The following TECRL variants were observed in gnomAD, a reference collection of about 807,000 sequenced individuals.
TECRL encodes the protein trans-2,3-enoyl-CoA reductase-like.
TECRL carries 63 observed loss-of-function variants against 52.8 expected under a neutral mutation model. The observed-to-expected ratio is 1.19, with a 90% CI of 0.97 to 1.47. TECRL has a LOEUF of 1.47. Among genes scored for constraint, TECRL ranks in the 40% most tolerant of loss-of-function variants. The probability of loss-of-function intolerance (pLI) is 0.00; values close to 1 mark genes in which losing one functional copy is unlikely to be tolerated. For missense variants in TECRL, 482 were observed against 429.6 expected (o/e 1.12, Z -1.08); for synonymous variants, 164 against 141.9 (o/e 1.16, Z -1.10).
At chr4:64,368,702 T>C (rs964633949) in intron 2 of TECRL, among the ~76,000 whole-genome samples, 2 of 152,250 alleles carry the variant, frequency 1.3e-5, no homozygotes, top group East Asian at 3.9e-4. Context: ...ACTTTTTTCA[T>C]TGGGTGCATT....
chr4:64,310,729 C>T lies in TECRL; in HGVS notation c.552-798G>A, dbSNP rs539050382. On this transcript the variant is annotated intron_variant, in intron 5 of 11. Transcript: ENST00000381210. ...GATCAAAGATGACCTACTTTTTGTGCGTTGTTTTTGTTTTTAGAGACAGGA... is the reference window on the plus strand; with the variant it reads ...GATCAAAGATGACCTACTTTTTGTGTGTTGTTTTTGTTTTTAGAGACAGGA... Among the ~76,000 whole-genome samples, 5 of 152,014 alleles carry T rather than the reference C, an allele frequency of 3.3e-5. No individual in the cohort carries two copies. The South Asian group carries it at 6.2e-4, about 19-fold the overall frequency.
chr4:64,409,260 C>A lies in TECRL; in HGVS notation c.92G>T (p.Arg31Ile), dbSNP rs764415896. 5 of 1,587,100 alleles carry A rather than the reference C, an allele frequency of 3.2e-6. No individual in the cohort carries two copies. The East Asian group carries it at 6.9e-5, about 22-fold the overall frequency. ...ATRFILKDDM[R>I]NFHFLSKLVL... Reference sequence around the variant, plus strand: ...AAGTTTTGACAAAAAGTGAAAATTTCTCATATCATCCTTCAGTATGAACCG... The same window carrying A: ...AAGTTTTGACAAAAAGTGAAAATTTATCATATCATCCTTCAGTATGAACCG... Residue 31 changes from arginine to isoleucine, a missense_variant, in exon 1 of 12, where the codon AGA (arginine) becomes ATA (isoleucine). Coordinates refer to ENST00000381210, the MANE Select transcript of TECRL (RefSeq NM_001010874.5).
intron 2 of TECRL, among the ~76,000 whole-genome samples, chr4:64,367,474 T>TG (rs1236882583): frequency 6.6e-6 from 1 of 152,138 alleles, no homozygotes. Context: ...AATTTGTGCA[T>TG]GTATGTGGGC....
rs1262227802 is a variant in TECRL, at chr4:64,278,120, AGAT to A, written c.*1949_*1951del. ...CACATATTTTGAAATATATTTCAGA[AGAT>A]GTATAAATATAATTTACATACAAAT... On this transcript the variant is annotated 3_prime_UTR_variant, in exon 12 of 12. Transcript: ENST00000381210. 1.6e-5 allele frequency: 1 copy of A among 63,020 alleles called. No homozygotes were observed. Among genetic ancestry groups the A allele is most frequent in the Admixed American group, 1.5e-4 (1 of 6,842 alleles). 3.9% of individuals were successfully genotyped at this position (63,020 alleles called of 1,614,324 possible).
chr4:64,297,160 G>A (rs1723733318), intron 8 of TECRL, among the ~76,000 whole-genome samples: 1 of 151,276 alleles, frequency 6.6e-6, no homozygotes, highest in Non-Finnish European at 1.5e-5. Flanking sequence ...TAATATGTTA[G>A]AAAACTCAGA....
Position 64,289,763 on chromosome 4 carries a change from C to G in TECRL, c.779G>C (p.Cys260Ser), listed in dbSNP as rs370384463. ...ITVSAINFLI[C>S]EAGNHFINVM... ...ATTGATGAAATGATTCCCAGCTTCACAAATCTGCAAAACATTTTAAACACT... is the reference window on the plus strand; with the variant it reads ...ATTGATGAAATGATTCCCAGCTTCAGAAATCTGCAAAACATTTTAAACACT... The change falls in exon 9 of 12, where the codon TGT becomes TCT. Residue 260 changes from cysteine to serine, a missense_variant. By Grantham distance (112) the Cys-to-Ser change is moderately radical. Coordinates refer to ENST00000381210, the MANE Select transcript of TECRL (RefSeq NM_001010874.5). 1 of 1,547,768 alleles carries G rather than the reference C, an allele frequency of 6.5e-7. No homozygotes were observed. Among genetic ancestry groups the G allele is most frequent in the East Asian group, 2.4e-5 (1 of 41,054 alleles).
At chr4:64,382,907 G>A (rs72640319) in intron 1 of TECRL, among the ~76,000 whole-genome samples, 32,184 of 151,856 alleles carry the variant, frequency 0.21, 4,043 homozygotes, top group South Asian at 0.4. Flanking sequence ...TATTTTCATG[G>A]TGGTAGATAT....
intron 8 of TECRL, among the ~76,000 whole-genome samples, chr4:64,292,128 A>G (rs1231568195): frequency 6.6e-6 from 1 of 152,028 alleles, no homozygotes; most frequent in Non-Finnish European, 1.5e-5. Context: ...AAGCTCAGTC[A>G]GTGCTGTAAA....
intron 1 of TECRL, among the ~76,000 whole-genome samples, chr4:64,406,184 G>GTA (rs1353701856): frequency 2.0e-5 from 3 of 149,976 alleles, no homozygotes; most frequent in Non-Finnish European, 4.5e-5. Flanking sequence ...GTGTGTGTAT[G>GTA]TGTGTAATTA....
At chr4:64,361,313 T>A (rs1311262794) in intron 2 of TECRL, among the ~76,000 whole-genome samples, 1 of 152,120 alleles carries the variant, frequency 6.6e-6, no homozygotes, top group African/African-American at 2.4e-5. Context: ...ACAGAACACC[T>A]ACCTGATGAA....
rs376181055 is a variant in TECRL, at chr4:64,281,101, C to T, written c.919-15G>A. The T allele has an allele frequency of 2.5e-6, 4 of 1,586,296 alleles. No individual in the cohort carries two copies. In the African/African-American group the frequency reaches 5.4e-5, roughly 21 times the overall value. On this transcript the variant is annotated splice_polypyrimidine_tract_variant and intron_variant, in intron 10 of 11. Transcript: ENST00000381210. Reference sequence around the variant, plus strand: ...CATGATCCAATCTGTTATATTAAAACTTAAATTAGCACATACATAAATGGA... The same window carrying T: ...CATGATCCAATCTGTTATATTAAAATTTAAATTAGCACATACATAAATGGA...
At chr4:64,368,603 GT>G (rs993169058) in intron 2 of TECRL, among the ~76,000 whole-genome samples, 8 of 152,026 alleles carry the variant, frequency 5.3e-5, no homozygotes, top group African/African-American at 1.9e-4. Context: ...CCTCATAATT[GT>G]TTTTTAACCC....
chr4:64,391,373 G>T (rs895779037), intron 1 of TECRL, among the ~76,000 whole-genome samples: 2 of 151,698 alleles, frequency 1.3e-5, no homozygotes, highest in African/African-American at 2.4e-5. Context: ...TTTCACAGCT[G>T]CAGACTTACA....
intron 3 of TECRL, among the ~76,000 whole-genome samples, chr4:64,326,884 C>T (rs559100593): frequency 1.5e-4 from 23 of 152,132 alleles, no homozygotes; most frequent in Non-Finnish European, 2.4e-4. Flanking sequence ...GATTCTAGTA[C>T]GTATATTTTG....
rs1189145732 is a variant in TECRL, at chr4:64,409,234, C to A, written c.118G>T (p.Val40Leu). The change falls in exon 1 of 12, where the codon GTA (valine) becomes TTA (leucine). Residue 40 changes from valine to leucine, a missense_variant. Val to Leu is a conservative substitution (Grantham distance 32, BLOSUM62 1). Coordinates refer to ENST00000381210, the MANE Select transcript of TECRL (RefSeq NM_001010874.5). ...MRNFHFLSKL[V>L]LSAGPLRPTP... ...GGTCTTAGAGGGCCCGCTGAGAGTA[C>A]AAGTTTTGACAAAAAGTGAAAATTT... 1 of 1,608,038 alleles carries A rather than the reference C, an allele frequency of 6.2e-7. No individual in the cohort carries two copies. Among genetic ancestry groups the A allele is most frequent in the Non-Finnish European group, 8.5e-7 (1 of 1,176,670 alleles).
chr4:64,404,028 A>T (rs1724545835), intron 1 of TECRL, among the ~76,000 whole-genome samples: 1 of 152,070 alleles, frequency 6.6e-6, no homozygotes. Context: ...TAAAATGGCA[A>T]TGTCAAAAAT....
intron 2 of TECRL, among the ~76,000 whole-genome samples, chr4:64,332,765 G>A (rs1025169076): frequency 1.3e-5 from 2 of 152,066 alleles, no homozygotes; most frequent in Admixed American, 6.6e-5. Context: ...ATAGTGAACT[G>A]GAAGTTGGAA....
Position 64,375,173 on chromosome 4 carries a change from T to A in TECRL, c.285A>T (p.Ala95=), listed in dbSNP as rs1722309028. Residue 95 remains alanine, a splice_region_variant and synonymous_variant, in exon 2 of 12, where the codon GCA becomes GCT. Coordinates refer to ENST00000381210, the MANE Select transcript of TECRL (RefSeq NM_001010874.5). ...TTCTAAATAATATATAAAACTTACATGCTTTGTGAAACTTTTGCTTAACAT... is the reference window on the plus strand; with the variant it reads ...TTCTAAATAATATATAAAACTTACAAGCTTTGTGAAACTTTTGCTTAACAT... The part of the protein sequence containing the change: ...IHDVKQKFHK[A]CPKWYPSRVG... 1.5e-6 allele frequency: 2 copies of A among 1,369,610 alleles called. No homozygotes were observed. The highest frequency in any genetic ancestry group is 1.5e-5 in the African/African-American group (1 of 64,534). 84.8% of individuals were successfully genotyped at this position (1,369,610 alleles called of 1,614,324 possible).
Position 64,287,154 on chromosome 4 carries a change from T to A in TECRL, c.832+2556A>T, listed in dbSNP as rs559233628. ...AACAGCATTGGCCTTACATGTAATT[T>A]TTTTTCACCAAGATAAAGCACAGAT... On this transcript the variant is annotated intron_variant, in intron 9 of 11. Transcript: ENST00000381210. Among the ~76,000 whole-genome samples the A allele has an allele frequency of 7.9e-5, 12 of 152,252 alleles. No individual in the cohort carries two copies. In the South Asian group the frequency reaches 1.2e-3, roughly 16 times the overall value.
Sources: gnomAD v4.1 joint callset for allele counts (sites outside exome capture counted in the v4.1 genomes callset) on GRCh38, gnomAD v4.1.1 for gene constraint, MANE v1.5 for transcripts, NCBI Gene and HGNC (gene_info 2026-07-23, HGNC 2026-07-21) for gene names.